Variants in ZAP70 observed in about 807,000 individuals in gnomAD.
ZAP70 encodes zeta chain of T cell receptor associated protein kinase 70.
ZAP70 carries 27 observed loss-of-function variants against 65.8 expected under a neutral mutation model. The ratio of observed to expected loss-of-function variants is 0.41; its 90% CI spans 0.30 to 0.57. The LOEUF is 0.57. Ranked by LOEUF, ZAP70 falls within the 20% of genes least tolerant of loss-of-function variation. The pLI is 0.28. For missense variants in ZAP70, 696 were observed against 870.5 expected, an observed-to-expected ratio of 0.80 and a Z score of 2.52; for synonymous variants, 363 against 360.8, an observed-to-expected ratio of 1.01 and a Z score of -0.07.
chr2:97,747,295 C>T, the ZAP70 span, among the ~76,000 whole-genome samples: 1 of 152,074 alleles, frequency 6.6e-6, no homozygotes, highest in Non-Finnish European at 1.5e-5. Flanking sequence ...TTCATAACAG[C>T]CAAAAAGTGG....
chr2:97,721,873 G>A (rs562396327), intron 2 of ZAP70, among the ~76,000 whole-genome samples: 7 of 148,790 alleles, frequency 4.7e-5, no homozygotes, highest in South Asian at 2.1e-4. Flanking sequence ...TGCAACCTCC[G>A]CCTCCCAGGT....
downstream of ZAP70, among the ~76,000 whole-genome samples, chr2:97,744,313 T>G (rs753171116): frequency 1.1e-4 from 17 of 152,142 alleles, no homozygotes; most frequent in African/African-American, 1.7e-4. Context: ...AAACTCAAAA[T>G]TTTGTTCTGG....
At position 97,739,755 on chromosome 2, in the gene ZAP70, A is replaced by C. The variant is rs1678072535; in HGVS notation, c.*257A>C. The C allele has an allele frequency of 1.8e-6, 1 of 565,836 alleles. No individual in the cohort carries two copies. The highest frequency in any genetic ancestry group is 1.9e-5 in the African/African-American group (1 of 53,228). The allele number at this position is 565,836 out of a possible 1,614,324, so 35.1% of individuals were successfully genotyped here. A position where few individuals can be genotyped will look rare whatever the true frequency, so the allele number is the denominator to read the frequency against. On this transcript the variant is annotated 3_prime_UTR_variant, in exon 14 of 14. Coordinates refer to ENST00000264972, the MANE Select transcript of ZAP70 (RefSeq NM_001079.4). ...GTGGCTCCCGGAGGGCCCTGAGCTG[A>C]GGGCATTGCTTACACGGATGCCTTC...
At position 97,717,461 on chromosome 2, in the gene ZAP70, GGAGCCTCT is replaced by G. The variant is rs1378262992; in HGVS notation, c.-22+3477_-22+3484del. On this transcript the variant is annotated intron_variant, in intron 2 of 13. Transcript: ENST00000264972. The stretch of plus-strand genomic sequence containing the variant: ...GGAGCCTCTGGCTGGGGGGACACGA[GGAGCCTCT>G]GAGCCTCTGGCTGGGGGGACACGTG... Among the ~76,000 whole-genome samples, 108 of 147,746 alleles carry G rather than the reference GGAGCCTCT, an allele frequency of 7.3e-4. 1 individual carries two copies. The highest frequency in any genetic ancestry group is 2.1e-3 in the Admixed American group (32 of 14,972).
intron 4 of ZAP70, 119 bp from the exon 5 acceptor site, chr2:97,732,764 C>A (rs1036137517): frequency 2.7e-6 from 4 of 1,455,888 alleles, no homozygotes; most frequent in African/African-American, 1.4e-5. Context: ...CCAGTCCCTG[C>A]AGCTTCTCTG....
chr2:97,719,561 G>A (rs78929477), intron 2 of ZAP70, among the ~76,000 whole-genome samples: 5 of 149,170 alleles, frequency 3.4e-5, no homozygotes, highest in East Asian at 2.2e-4. Flanking sequence ...CCTGGGGGGG[G>A]GGCGCAGACC....
At chr2:97,741,972 G>A (rs894617181), downstream of ZAP70, among the ~76,000 whole-genome samples, 8 of 152,224 alleles carry the variant, frequency 5.3e-5, no homozygotes, top group African/African-American at 1.9e-4. Flanking sequence ...AGGAGGGAAC[G>A]CCTTAGCTGA....
chr2:97,733,129 T>G lies in ZAP70; in HGVS notation c.707T>G (p.Val236Gly). 1 of 1,613,928 alleles carries G rather than the reference T, an allele frequency of 6.2e-7. No homozygotes were observed. The highest frequency in any genetic ancestry group is 8.5e-7 in the Non-Finnish European group (1 of 1,179,996). The change falls in exon 6 of 14, where the codon GTG becomes GGG. Residue 236 changes from valine (V) to glycine (G), a missense_variant. Coordinates refer to ENST00000264972, the MANE Select transcript of ZAP70 (RefSeq NM_001079.4). ...CTAGCTGCCTGCTCCCTGCAGCTGGTGGAGTATCTGAAGCTGAAGGCGGAC... is the reference window on the plus strand; with the variant it reads ...CTAGCTGCCTGCTCCCTGCAGCTGGGGGAGTATCTGAAGCTGAAGGCGGAC... ...GTKFDTLWQLVEYLKLKADGL... is the reference protein window; with the variant it reads ...GTKFDTLWQLGEYLKLKADGL...
At chr2:97,734,201 G>T (rs560769094) in intron 8 of ZAP70, 17 of 474,644 alleles carry the variant, frequency 3.6e-5, no homozygotes, top group Admixed American at 1.2e-4. Context: ...AGACAGGGAC[G>T]GGCCCGGCCA....
At chr2:97,747,815 GTTTTTTTTTTTTT>G in the ZAP70 span, among the ~76,000 whole-genome samples, 479 of 54,810 alleles carry the variant, frequency 8.7e-3, 2 homozygotes, top group Non-Finnish European at 0.013. Flanking sequence ...CTGGCACGAG[GTTTTTTTTTTTTT>G]TTTTTTTTTT....
intron 4 of ZAP70, among the ~76,000 whole-genome samples, chr2:97,727,353 T>C (rs1268981353): frequency 1.3e-5 from 2 of 152,188 alleles, no homozygotes; most frequent in East Asian, 1.9e-4. Flanking sequence ...TGTCTCTCTT[T>C]CCTTTTGGAC....
the ZAP70 span, among the ~76,000 whole-genome samples, chr2:97,754,173 T>TA: frequency 1.3e-4 from 20 of 152,202 alleles, no homozygotes; most frequent in African/African-American, 3.6e-4. Context: ...TACCTACCCT[T>TA]AGAGTAATTA....
At position 97,737,554 on chromosome 2, in the gene ZAP70, T is replaced by C. The variant is rs2104703158; in HGVS notation, c.1371T>C (p.Phe457=). The change falls in exon 11 of 14, where the codon TTT becomes TTC. Residue 457 remains phenylalanine (F), a synonymous_variant. Coordinates refer to ENST00000264972, the MANE Select transcript of ZAP70 (RefSeq NM_001079.4). This position sits in a 1 kb window ranked among gnomAD's most constrained non-coding sequence, Gnocchi z 5.0. ...TGAAGTACCTGGAGGAGAAGAACTT[T>C]GTGCACCGTGACCTGGCGGCCCGCA... The part of the protein sequence containing the change: ...MGMKYLEEKN[F]VHRDLAARNV... The C allele has an allele frequency of 1.2e-6, 2 of 1,614,154 alleles. No individual in the cohort carries two copies. The highest frequency in any genetic ancestry group is 1.7e-6 in the Non-Finnish European group (2 of 1,179,988).
the ZAP70 span, among the ~76,000 whole-genome samples, chr2:97,748,913 G>A: frequency 2.6e-5 from 4 of 152,144 alleles, no homozygotes; most frequent in African/African-American, 9.7e-5. Context: ...GGCTGATTGC[G>A]GATCTCATGT....
At chr2:97,719,460 G>A (rs1186108102) in intron 2 of ZAP70, among the ~76,000 whole-genome samples, 5 of 151,378 alleles carry the variant, frequency 3.3e-5, no homozygotes, top group African/African-American at 9.7e-5. Flanking sequence ...CATAGGTGTC[G>A]GCCATTCAGG....
Position 97,739,598 on chromosome 2 carries a change from C to T in ZAP70, c.*100C>T. 1 of 1,501,992 alleles carries T rather than the reference C, an allele frequency of 6.7e-7. No individual in the cohort carries two copies. The highest frequency in any genetic ancestry group is 9.0e-7 in the Non-Finnish European group (1 of 1,115,618). The allele number at this position is 1,501,992 out of a possible 1,614,324, so 93.0% of individuals were successfully genotyped here. A position where few individuals can be genotyped will look rare whatever the true frequency, so the allele number is the denominator to read the frequency against. On this transcript the variant is annotated 3_prime_UTR_variant, in exon 14 of 14. Coordinates refer to ENST00000264972, the MANE Select transcript of ZAP70 (RefSeq NM_001079.4). Reference sequence around the variant, plus strand: ...GCTGAGCCCTGCTTGGTTGTCTCCACACACAGCTGGGCTGTGGTAGGGGGT... The same window carrying T: ...GCTGAGCCCTGCTTGGTTGTCTCCATACACAGCTGGGCTGTGGTAGGGGGT...
At chr2:97,745,603 C>T in the ZAP70 span, among the ~76,000 whole-genome samples, 15 of 152,200 alleles carry the variant, frequency 9.9e-5, 1 homozygote, top group African/African-American at 3.6e-4. Flanking sequence ...AAAATAAAAA[C>T]CACAGTGACA....
rs1292271402 is a variant in ZAP70 at position 97,731,908 on chromosome 2, C to CT, written c.564-974dup. Among the ~76,000 whole-genome samples, 1 of 152,034 alleles carries CT rather than the reference C, an allele frequency of 6.6e-6. No homozygotes were observed. Among genetic ancestry groups the CT allele is most frequent in the African/African-American group, 2.4e-5 (1 of 41,382 alleles). On this transcript the variant is annotated intron_variant, in intron 4 of 13. Coordinates refer to ENST00000264972, the MANE Select transcript of ZAP70 (RefSeq NM_001079.4). This position sits in a 1 kb window ranked among gnomAD's most constrained non-coding sequence, Gnocchi z 4.0. ...GCCTCCACAGCTTCCACGGGGCCAGCTGCCCTCCCTCCTCACTGTAAAGCT... is the reference window on the plus strand; with the variant it reads ...GCCTCCACAGCTTCCACGGGGCCAGCTTGCCCTCCCTCCTCACTGTAAAGCT...
intron 2 of ZAP70, among the ~76,000 whole-genome samples, chr2:97,718,150 G>T (rs950605253): frequency 6.6e-6 from 1 of 152,170 alleles, no homozygotes; most frequent in Non-Finnish European, 1.5e-5. Context: ...CCTGTCCGTC[G>T]GGATGGCCCA....
Sources: allele counts gnomAD v4.1 joint callset (sites outside exome capture counted in the v4.1 genomes callset), GRCh38; gene constraint gnomAD v4.1.1; non-coding constraint Gnocchi (gnomAD v3.1); transcripts MANE v1.5; gene names NCBI Gene and HGNC (gene_info 2026-07-23, HGNC 2026-07-21).